SIL1: variants seen among roughly 807,000 people sequenced by gnomAD.
SIL1 encodes the protein nucleotide exchange factor SIL1.
A neutral mutation model predicts 49.1 loss-of-function variants in SIL1; 40 were observed. The ratio of observed to expected loss-of-function variants is 0.81; its 90% confidence interval spans 0.63 to 1.06. The LOEUF is 1.06. SIL1 is among the 50% of genes least tolerant of loss of function. The pLI is 0.00. For synonymous variants in SIL1, 253 were observed against 250.8 expected, an observed-to-expected ratio of 1.01 and a Z score of -0.08; for missense variants, 500 against 572.6, an observed-to-expected ratio of 0.87 and a Z score of 1.29.
chr5:139,171,412 T>C (rs1284468356), intron 1 of SIL1, among the ~76,000 whole-genome samples: 3 of 152,232 alleles, frequency 2.0e-5, no homozygotes, highest in African/African-American at 7.2e-5. Flanking sequence ...CCCAACCCTG[T>C]GCTCTCTGAA....
chr5:139,057,180 C>T (rs1161714022), intron 3 of SIL1, among the ~76,000 whole-genome samples: 4 of 151,326 alleles, frequency 2.6e-5, no homozygotes, highest in Admixed American at 6.6e-5. Context: ...ACAAACACTG[C>T]GGAAGGCCGC....
intron 1 of SIL1, among the ~76,000 whole-genome samples, chr5:139,165,837 TA>T (rs1233889070): frequency 6.6e-6 from 1 of 150,868 alleles, no homozygotes; most frequent in African/African-American, 2.4e-5. Context: ...TTTTTTTTAT[TA>T]TTTTTTAGTA....
intron 9 of SIL1, among the ~76,000 whole-genome samples, chr5:138,950,874 G>A (rs973655190): frequency 2.0e-4 from 31 of 152,150 alleles, no homozygotes; most frequent in Non-Finnish European, 3.5e-4. Context: ...GCCTGGTCTC[G>A]GCTGCTCCAA....
At chr5:138,956,293 G>A (rs954887480) in intron 7 of SIL1, among the ~76,000 whole-genome samples, 32 of 152,170 alleles carry the variant, frequency 2.1e-4, no homozygotes, top group Non-Finnish European at 4.3e-4. Context: ...GATTTCCTCT[G>A]GTGGCCCCAC....
chr5:138,956,308 C>T (rs1294161403), intron 7 of SIL1, among the ~76,000 whole-genome samples: 2 of 152,204 alleles, frequency 1.3e-5, no homozygotes, highest in East Asian at 3.8e-4. Context: ...CCCCACCTTG[C>T]TTATGCCTTA....
At chr5:138,990,828 G>A (rs2150405433) in intron 7 of SIL1, among the ~76,000 whole-genome samples, 1 of 152,320 alleles carries the variant, frequency 6.6e-6, no homozygotes, top group South Asian at 2.1e-4. Flanking sequence ...CGATTCTCCT[G>A]CCTTAGCCTC....
chr5:139,094,327 G>A (rs2151778214), intron 3 of SIL1, among the ~76,000 whole-genome samples: 1 of 152,296 alleles, frequency 6.6e-6, no homozygotes, highest in Admixed American at 6.5e-5. Context: ...TTGAATACCT[G>A]TTATGAGCCA....
At chr5:139,192,468 C>G (rs1453190912) in intron 1 of SIL1, among the ~76,000 whole-genome samples, 4 of 152,156 alleles carry the variant, frequency 2.6e-5, no homozygotes, top group African/African-American at 4.8e-5. Context: ...ACAACATAGC[C>G]TATGAGCAGA....
intron 7 of SIL1, among the ~76,000 whole-genome samples, chr5:139,016,347 T>C (rs1055829943): frequency 3.3e-5 from 5 of 152,044 alleles, no homozygotes; most frequent in African/African-American, 1.2e-4. Flanking sequence ...TTTCTTGAGT[T>C]TGAGGTGCGA....
intron 1 of SIL1, among the ~76,000 whole-genome samples, chr5:139,197,255 C>A: frequency 8.7e-6 from 1 of 115,054 alleles, no homozygotes; most frequent in Non-Finnish European, 1.7e-5. Flanking sequence ...GAAACAAGAG[C>A]GAAACTCCGC....
rs1162551593 is a variant in SIL1, at chr5:138,946,941, G to A, written c.*176C>T. On this transcript the variant is annotated 3_prime_UTR_variant, in exon 10 of 10. Transcript: ENST00000394817. ...CACCCAACCACTCACCTGACCCCCC[G>A]GCCACAGGGCTGTGCCCAGTCTACA... is the stretch of plus-strand genomic sequence containing the variant. 11 of 646,432 alleles carry A rather than the reference G, an allele frequency of 1.7e-5. No homozygotes were observed. Among genetic ancestry groups the A allele is most frequent in the Non-Finnish European group, 2.2e-5 (8 of 356,130 alleles). 40.0% of individuals were successfully genotyped at this position (646,432 alleles called of 1,614,324 possible). A position where few individuals can be genotyped will look rare whatever the true frequency, so the allele number is the denominator to read the frequency against.
rs184600607 is a variant in SIL1 at position 139,189,437 on chromosome 5, C to G, written c.-11+8832G>C. Among the ~76,000 whole-genome samples the G allele has an allele frequency of 4.4e-3, 668 of 152,308 alleles. 2 individuals carry two copies. The highest frequency in any genetic ancestry group is 0.015 in the African/African-American group (640 of 41,554). ...ATCTGTCACTGTCTCCCATCACCCCCAGATGGGACCGTCTAGTTGCAGGAA... is the reference window on the plus strand; with the variant it reads ...ATCTGTCACTGTCTCCCATCACCCCGAGATGGGACCGTCTAGTTGCAGGAA... On this transcript the variant is annotated intron_variant, in intron 1 of 9. Transcript: ENST00000394817.
intron 7 of SIL1, among the ~76,000 whole-genome samples, chr5:138,956,735 T>C (rs139762530): frequency 0.012 from 1,666 of 139,416 alleles, 38 homozygotes; most frequent in African/African-American, 0.047. Flanking sequence ...AGAGCAAGAC[T>C]CTATCTTAAA....
chr5:139,023,938 T>C (rs1400793014), intron 6 of SIL1, among the ~76,000 whole-genome samples: 1 of 152,212 alleles, frequency 6.6e-6, no homozygotes, highest in East Asian at 1.9e-4. Context: ...CAGGGACTGA[T>C]TTTGGGATGA....
At position 138,970,501 on chromosome 5, in the gene SIL1, T is replaced by C. The variant is rs554090289; in HGVS notation, c.768-18617A>G. ...TTCCTTTGAATTCCTTCCTCATCTATGGAAAAGAGAGTGTACTGGGTCCCA... is the reference window on the plus strand; with the variant it reads ...TTCCTTTGAATTCCTTCCTCATCTACGGAAAAGAGAGTGTACTGGGTCCCA... On this transcript the variant is annotated intron_variant, in intron 7 of 9. Transcript: ENST00000394817. Among the ~76,000 whole-genome samples the C allele has an allele frequency of 3.9e-5, 6 of 152,248 alleles. No homozygotes were observed. In the South Asian group the frequency reaches 1.2e-3, roughly 32 times the overall value.
At chr5:139,153,427 C>A (rs1427123100) in intron 1 of SIL1, among the ~76,000 whole-genome samples, 1 of 152,188 alleles carries the variant, frequency 6.6e-6, no homozygotes, top group Admixed American at 6.5e-5. Flanking sequence ...AGGACAGAGA[C>A]CATGTTCATT....
chr5:139,027,052 T>C (rs552942108), intron 5 of SIL1, 60 bp from the exon 6 acceptor site: 1 of 1,524,244 alleles, frequency 6.6e-7, no homozygotes, highest in Admixed American at 1.7e-5. Context: ...AAGATGTCTG[T>C]GGTCTACCAT....
intron 7 of SIL1, among the ~76,000 whole-genome samples, chr5:138,982,925 G>C (rs546145230): frequency 6.6e-6 from 1 of 152,250 alleles, no homozygotes; most frequent in Non-Finnish European, 1.5e-5. Flanking sequence ...AGTTGGGCGT[G>C]GTGGCTCATG....
intron 1 of SIL1, among the ~76,000 whole-genome samples, chr5:139,129,087 C>T (rs555339339): frequency 2.7e-4 from 41 of 152,194 alleles, no homozygotes; most frequent in Non-Finnish European, 5.7e-4. Flanking sequence ...GCAAAGGTTG[C>T]GGTGAGCTGA....
Sources: allele counts gnomAD v4.1 joint callset (sites outside exome capture counted in the v4.1 genomes callset), GRCh38; gene constraint gnomAD v4.1.1; transcripts MANE v1.5; gene names NCBI Gene and HGNC (gene_info 2026-07-23, HGNC 2026-07-21).